The following SGIP1 variants were observed in gnomAD, a reference collection of about 807,000 sequenced individuals.
SGIP1 encodes SH3GL interacting endocytic adaptor 1.
Under a neutral mutation model 107.5 loss-of-function variants are expected in SGIP1, and 38 were observed. The ratio of observed to expected loss-of-function variants is 0.35; its 90% CI spans 0.27 to 0.46. SGIP1 has a LOEUF of 0.46. SGIP1 is among the 20% of genes least tolerant of loss of function. The pLI is 1.00. For synonymous variants in SGIP1, 365 were observed against 366.1 expected (o/e 1.00, Z 0.03); for missense variants, 929 against 1,019.5 (o/e 0.91, Z 1.21).
chr1:66,672,042 C>T (rs1557559949), intron 11 of SGIP1, 47 bp downstream of exon 11: 1 of 1,574,546 alleles, frequency 6.4e-7, no homozygotes, highest in Non-Finnish European at 8.7e-7. Context: ...GCATCATGAA[C>T]TTTTAACAAT....
intron 1 of SGIP1, among the ~76,000 whole-genome samples, chr1:66,600,806 T>G (rs1171392706): frequency 1.3e-5 from 2 of 152,140 alleles, no homozygotes; most frequent in Non-Finnish European, 2.9e-5. Flanking sequence ...CATGACATGA[T>G]TAGGTTTGCA....
intron 1 of SGIP1, among the ~76,000 whole-genome samples, chr1:66,603,223 G>A (rs1327928165): frequency 5.3e-5 from 8 of 151,952 alleles, no homozygotes. Context: ...GGCTATTTAT[G>A]GAAAAAAACT....
chr1:66,633,143 C>T (rs771151005), intron 3 of SGIP1, 49 bp downstream of exon 3: 1 of 1,253,310 alleles, frequency 8.0e-7, no homozygotes, highest in South Asian at 1.3e-5. Flanking sequence ...TCAATATATG[C>T]TATGTTTAAA....
intron 18 of SGIP1, 147 bp downstream of exon 18, chr1:66,695,640 C>A: frequency 1.4e-6 from 1 of 719,264 alleles, no homozygotes; most frequent in Non-Finnish European, 2.2e-6. Flanking sequence ...AAATATTAAA[C>A]ACTAAAGGAA....
chr1:66,627,505 G>A (rs1178453396), intron 2 of SGIP1, among the ~76,000 whole-genome samples: 1 of 152,132 alleles, frequency 6.6e-6, no homozygotes, highest in African/African-American at 2.4e-5. Context: ...ACTTCCATAG[G>A]CAGTGGGCCA....
intron 15 of SGIP1, among the ~76,000 whole-genome samples, chr1:66,687,113 C>T (rs1246815024): frequency 6.6e-6 from 1 of 152,168 alleles, no homozygotes; most frequent in African/African-American, 2.4e-5. Flanking sequence ...CCAGGCATCA[C>T]TAAAAGGAGT....
At chr1:66,737,463 C>T (rs2150709626) in intron 21 of SGIP1, among the ~76,000 whole-genome samples, 1 of 152,208 alleles carries the variant, frequency 6.6e-6, no homozygotes, top group African/African-American at 2.4e-5. Flanking sequence ...GAGGCTGAGG[C>T]AGGAGGATCA....
intron 1 of SGIP1, among the ~76,000 whole-genome samples, chr1:66,588,356 C>T (rs926586991): frequency 6.6e-6 from 1 of 151,362 alleles, no homozygotes; most frequent in Admixed American, 6.6e-5. Flanking sequence ...CCCTCATTTT[C>T]CTTCAGCATC....
intron 6 of SGIP1, 148 bp downstream of exon 6, chr1:66,643,012 A>G: frequency 3.0e-6 from 2 of 671,474 alleles, no homozygotes; most frequent in South Asian, 4.7e-5. Context: ...AGCACTGAGA[A>G]CACCCTGAGC....
intron 1 of SGIP1, chr1:66,590,513 C>A (rs1262676089): frequency 2.0e-5 from 3 of 152,182 alleles, no homozygotes; most frequent in African/African-American, 7.2e-5. Context: ...TCCTAGCTCA[C>A]TGCCACCTTG....
In SGIP1 at chr1:66,557,660, T is replaced by C. The variant is rs10889627; in HGVS notation, c.10+23292T>C. On this transcript the variant is annotated intron_variant, in intron 1 of 24. Transcript: ENST00000371037. ...GTAGGTAACGAAAAGGAGGAATAATTATCAGATTTCATGTGGAGAGAAATA... is the reference window on the plus strand; with the variant it reads ...GTAGGTAACGAAAAGGAGGAATAATCATCAGATTTCATGTGGAGAGAAATA... 2.1e-3 allele frequency among the ~76,000 whole-genome samples: 316 copies of C among 151,962 alleles called. 1 individual carries two copies. The highest frequency in any genetic ancestry group is 7.3e-3 in the African/African-American group (302 of 41,458).
At chr1:66,694,239 A>G (rs2090434009) in intron 17 of SGIP1, among the ~76,000 whole-genome samples, 1 of 151,480 alleles carries the variant, frequency 6.6e-6, no homozygotes, top group Admixed American at 6.6e-5. Context: ...TTAACATTTT[A>G]ATTTCCTCTC....
chr1:66,588,866 A>G (rs935326786), intron 1 of SGIP1, among the ~76,000 whole-genome samples: 6 of 151,588 alleles, frequency 4.0e-5, no homozygotes, highest in African/African-American at 1.5e-4. Flanking sequence ...TAGCAGTAGC[A>G]TTTGAATTTT....
chr1:66,660,479 T>C, intron 7 of SGIP1, 34 bp from the exon 8 acceptor site: 1 of 1,601,030 alleles, frequency 6.2e-7, no homozygotes, highest in Non-Finnish European at 8.6e-7. Flanking sequence ...TCTCATTTTC[T>C]CTTTATTCTT....
intron 8 of SGIP1, among the ~76,000 whole-genome samples, chr1:66,660,957 T>C (rs1028743613): frequency 6.6e-6 from 1 of 152,208 alleles, no homozygotes; most frequent in East Asian, 1.9e-4. Flanking sequence ...AATGGGGAGT[T>C]GTAGGGAAGC....
chr1:66,645,367 A>G (rs2149514920), intron 7 of SGIP1, among the ~76,000 whole-genome samples: 1 of 152,326 alleles, frequency 6.6e-6, no homozygotes, highest in Non-Finnish European at 1.5e-5. Flanking sequence ...ATACATTGCT[A>G]AGGATGCAGC....
At chr1:66,724,172 G>A (rs760401311) in intron 19 of SGIP1, among the ~76,000 whole-genome samples, 1 of 152,122 alleles carries the variant, frequency 6.6e-6, no homozygotes, top group Non-Finnish European at 1.5e-5. Context: ...GAACAAAACT[G>A]GCCAGTGTTT....
intron 1 of SGIP1, among the ~76,000 whole-genome samples, chr1:66,615,655 G>T (rs558170879): frequency 6.6e-6 from 1 of 152,086 alleles, no homozygotes; most frequent in South Asian, 2.1e-4. Flanking sequence ...AACCTCATTT[G>T]GTTTGATGAA....
At position 66,747,168 on chromosome 1, in the gene SGIP1, A is replaced by C. The variant is rs1257072152; in HGVS notation, c.*4073A>C. 1.3e-5 allele frequency: 2 copies of C among 152,066 alleles called. No individual in the cohort carries two copies. Among genetic ancestry groups the C allele is most frequent in the African/African-American group, 4.8e-5 (2 of 41,458 alleles). 9.4% of individuals were successfully genotyped at this position (152,066 alleles called of 1,614,324 possible). A position where few individuals can be genotyped will look rare whatever the true frequency, so the allele number is the denominator to read the frequency against. ...AAGCTATACACAGTAGGCATCGATA[A>C]ATTTGTATTGACAGCATAAACTTCT... On this transcript the variant is annotated 3_prime_UTR_variant, in exon 25 of 25. Transcript: ENST00000371037.
Sources: gnomAD v4.1 joint callset for allele counts (sites outside exome capture counted in the v4.1 genomes callset) on GRCh38, gnomAD v4.1.1 for gene constraint, MANE v1.5 for transcripts, NCBI Gene and HGNC (gene_info 2026-07-23, HGNC 2026-07-21) for gene names.